The following CNOT1 variants were observed in gnomAD, a reference collection of about 807,000 sequenced individuals.
The protein encoded by CNOT1 is CCR4-associated factor 1.
A neutral mutation model predicts 273.8 loss-of-function variants in CNOT1; 15 were observed. That is an observed-to-expected ratio of 0.05 (90% CI 0.04 to 0.08). The LOEUF (loss-of-function observed/expected upper bound fraction) is 0.08, where lower values mean the gene tolerates loss of function less well. CNOT1 is among the 10% of genes least tolerant of loss of function. The pLI, the probability that CNOT1 is intolerant of heterozygous loss-of-function variation, is 1.00. For missense variants in CNOT1, 1,644 were observed against 2,912.2 expected, an observed-to-expected ratio of 0.56 and a Z score of 10.02; for synonymous variants, 1,022 against 1,005.5, an observed-to-expected ratio of 1.02 and a Z score of -0.31.
chr16:58,530,916 T>G (rs1194218047), intron 42 of CNOT1, among the ~76,000 whole-genome samples: 1 of 152,236 alleles, frequency 6.6e-6, no homozygotes, highest in Non-Finnish European at 1.5e-5. Context: ...TAATGGTCCC[T>G]GTGTACCTGT....
At chr16:58,573,183 G>A (rs1165885002) in intron 16 of CNOT1, among the ~76,000 whole-genome samples, 2 of 151,164 alleles carry the variant, frequency 1.3e-5, no homozygotes, top group Admixed American at 6.6e-5. Flanking sequence ...GTGCACACTT[G>A]TAATCCCAGC....
intron 1 of CNOT1, among the ~76,000 whole-genome samples, chr16:58,620,653 TAA>T (rs200053031): frequency 3.0e-4 from 32 of 106,828 alleles, no homozygotes; most frequent in African/African-American, 5.9e-4. Context: ...CTGTCTCATT[TAA>T]AAAAAAAAAA....
chr16:58,568,215 A>G (rs762454000), intron 16 of CNOT1, among the ~76,000 whole-genome samples: 10 of 152,140 alleles, frequency 6.6e-5, no homozygotes, highest in African/African-American at 1.2e-4. Flanking sequence ...AAGAAAATAC[A>G]AAATTAGCTG....
chr16:58,585,541 A>G (rs955081910), intron 7 of CNOT1, 35 bp from the exon 8 acceptor site: 11 of 1,586,734 alleles, frequency 6.9e-6, no homozygotes, highest in Non-Finnish European at 8.6e-6. Context: ...TGCTATACTA[A>G]TTAAAAACAA....
chr16:58,604,412 A>G (rs2042587938), intron 1 of CNOT1, among the ~76,000 whole-genome samples: 1 of 152,114 alleles, frequency 6.6e-6, no homozygotes, highest in Non-Finnish European at 1.5e-5. Flanking sequence ...CGCGTTGTCT[A>G]CTATTGGCTC....
At chr16:58,564,237 G>A (rs1332748536) in intron 16 of CNOT1, among the ~76,000 whole-genome samples, 2 of 152,184 alleles carry the variant, frequency 1.3e-5, no homozygotes, top group African/African-American at 2.4e-5. Context: ...AGAGGTATCA[G>A]AGTTCAAAGG....
chr16:58,554,293 G>A (rs541406159), intron 21 of CNOT1, among the ~76,000 whole-genome samples: 53 of 152,132 alleles, frequency 3.5e-4, no homozygotes, highest in Non-Finnish European at 5.9e-4. Context: ...TGGCATTCTA[G>A]AAAAACTTTA....
chr16:58,525,078 T>G (rs1179098827), intron 46 of CNOT1, 101 bp downstream of exon 46: 2 of 1,069,946 alleles, frequency 1.9e-6, no homozygotes, highest in East Asian at 2.4e-5. Flanking sequence ...GACAGAACAT[T>G]CCTTCACTAT....
intron 1 of CNOT1, among the ~76,000 whole-genome samples, chr16:58,611,112 G>A (rs1217767227): frequency 2.6e-5 from 4 of 152,018 alleles, no homozygotes. Context: ...CTAGAGAAAA[G>A]GAGTACAGGC....
At chr16:58,602,262 G>A (rs1376801931) in intron 1 of CNOT1, among the ~76,000 whole-genome samples, 1 of 151,748 alleles carries the variant, frequency 6.6e-6, no homozygotes, top group Non-Finnish European at 1.5e-5. Flanking sequence ...GTAGAGATGG[G>A]GTTTCTCCAT....
intron 46 of CNOT1, among the ~76,000 whole-genome samples, chr16:58,524,904 TTAA>T (rs2039535437): frequency 6.6e-6 from 1 of 152,222 alleles, no homozygotes; most frequent in Non-Finnish European, 1.5e-5. Flanking sequence ...TAAAGGGACT[TTAA>T]GTTTATTTTC....
chr16:58,556,480 G>A (rs917257431), intron 19 of CNOT1, among the ~76,000 whole-genome samples: 5 of 152,158 alleles, frequency 3.3e-5, no homozygotes, highest in African/African-American at 1.2e-4. Context: ...CTAAGGAGGT[G>A]AAACAAAAAT....
intron 42 of CNOT1, among the ~76,000 whole-genome samples, chr16:58,531,510 G>A (rs933637012): frequency 1.3e-5 from 2 of 150,040 alleles, no homozygotes; most frequent in Non-Finnish European, 3.0e-5. Context: ...TAAAGTGAGA[G>A]TCTGTAAAAC....
Position 58,580,760 on chromosome 16 carries a change from G to C in CNOT1, c.1216C>G (p.Leu406Val). ...YRPWKHAEGQ[L>V]SFIQHSLINP... ...ATAAGGGAATGTTGAATGAAGGAGA[G>C]CTGCAATGAAAGAAAATGCTTACCA... Residue 406 changes from leucine (L) to valine (V), a missense_variant and splice_region_variant, in exon 12 of 49, where the codon CTC (leucine) becomes GTC (valine). By Grantham distance (32) the Leu-to-Val change is conservative (BLOSUM62 1). Coordinates refer to ENST00000317147, the MANE Select transcript of CNOT1 (RefSeq NM_016284.5). The C allele has an allele frequency of 6.2e-7, 1 of 1,606,002 alleles. No individual in the cohort carries two copies. Among genetic ancestry groups the C allele is most frequent in the Non-Finnish European group, 8.5e-7 (1 of 1,176,868 alleles).
intron 44 of CNOT1, among the ~76,000 whole-genome samples, chr16:58,527,605 TA>T (rs1010687375): frequency 1.3e-5 from 2 of 152,192 alleles, no homozygotes; most frequent in Non-Finnish European, 2.9e-5. Context: ...TAATATAGTT[TA>T]AAATAGTTAT....
intron 47 of CNOT1, among the ~76,000 whole-genome samples, chr16:58,521,611 C>A (rs1205271828): frequency 6.6e-6 from 1 of 152,128 alleles, no homozygotes; most frequent in Non-Finnish European, 1.5e-5. Flanking sequence ...CACATAAAGC[C>A]CAGAGTACAT....
chr16:58,627,403 C>CAAAAAAA (rs754338444), intron 1 of CNOT1, among the ~76,000 whole-genome samples: 794 of 65,052 alleles, frequency 0.012, 107 homozygotes, highest in African/African-American at 0.035. Context: ...GACTCCATCT[C>CAAAAAAA]AAAAAAAAAA....
rs765121906 is a variant in CNOT1 at position 58,560,319 on chromosome 16, C to T, written c.2023G>A (p.Ala675Thr). ...TTATTCATAACATTACTGCAATTGG[C>T]TACCATGGTGAGGATAGTTTCTGAT... is the stretch of plus-strand genomic sequence containing the variant. ...ELSETILTMV[A>T]NCSNVMNKAR... The change falls in exon 17 of 49, where the codon GCC (alanine) becomes ACC (threonine). Residue 675 changes from alanine (A) to threonine (T), a missense_variant. This residue lies in a region of CNOT1 where 706 missense variants were observed against 1,021.2 expected (regional missense o/e 0.69). Transcript: ENST00000317147. The T allele has an allele frequency of 6.2e-6, 10 of 1,614,024 alleles. No individual in the cohort carries two copies. In the Admixed American group the frequency reaches 1.5e-4, roughly 24 times the overall value.
intron 14 of CNOT1, among the ~76,000 whole-genome samples, chr16:58,576,111 C>CT (rs1445931690): frequency 9.3e-5 from 14 of 151,280 alleles, no homozygotes; most frequent in Admixed American, 9.3e-4. Flanking sequence ...ACTTTTTTTC[C>CT]TTTTTTCTTT....
Sources: gnomAD v4.1 joint callset for allele counts (sites outside exome capture counted in the v4.1 genomes callset) on GRCh38, gnomAD v4.1.1 for gene constraint, gnomAD v4.1.1 regional missense constraint, MANE v1.5 for transcripts, NCBI Gene and HGNC (gene_info 2026-07-23, HGNC 2026-07-21) for gene names.